Variants in DNAH14 observed in about 807,000 individuals in gnomAD.
DNAH14 encodes axonemal beta dynein heavy chain 14.
A neutral mutation model predicts 520.9 loss-of-function variants in DNAH14; 478 were observed. The observed-to-expected ratio is 0.92, with a 90% confidence interval of 0.85 to 0.99. The LOEUF is 0.99. Among genes scored for constraint, DNAH14 ranks in the 50% least tolerant of loss-of-function variants. The pLI is 0.00. For missense variants in DNAH14, 4,831 were observed against 5,234.5 expected, an observed-to-expected ratio of 0.92 and a Z score of 2.38; for synonymous variants, 1,581 against 1,757.2, an observed-to-expected ratio of 0.90 and a Z score of 2.51.
In DNAH14 at chr1:225,266,702, C is replaced by A. The variant is rs2093131692; in HGVS notation, c.7472C>A (p.Pro2491His). Residue 2491 changes from proline to histidine, a missense_variant, in exon 49 of 86, where the codon CCC becomes CAC. Pro to His is a moderately conservative substitution (Grantham distance 77). Coordinates refer to ENST00000682510, the MANE Select transcript of DNAH14 (RefSeq NM_001367479.1). ...PVSDMYGAQP[P>H]LELIRQLLDL... The stretch of plus-strand genomic sequence containing the variant: ...TCAGATATGTATGGAGCACAGCCAC[C>A]CCTGGAATTGATAAGACAATTGTTA... The A allele has an allele frequency of 1.3e-6, 2 of 1,517,796 alleles. No homozygotes were observed. Among genetic ancestry groups the A allele is most frequent in the South Asian group, 1.3e-5 (1 of 77,134 alleles). 94.0% of individuals were successfully genotyped at this position (1,517,796 alleles called of 1,614,324 possible). A position where few individuals can be genotyped will look rare whatever the true frequency, so the allele number is the denominator to read the frequency against.
chr1:225,348,707 A>G (rs1285959213), intron 71 of DNAH14, among the ~76,000 whole-genome samples: 3 of 152,224 alleles, frequency 2.0e-5, no homozygotes, highest in Non-Finnish European at 4.4e-5. Flanking sequence ...GAACTGCTCT[A>G]CAAGGAATGC....
intron 41 of DNAH14, among the ~76,000 whole-genome samples, chr1:225,229,035 C>T (rs773010422): frequency 2.2e-4 from 33 of 152,232 alleles, no homozygotes; most frequent in Non-Finnish European, 4.1e-4. Context: ...CTCTACTCAG[C>T]GGGGTTGACA....
chr1:225,088,114 T>C (rs1472653860), intron 21 of DNAH14, among the ~76,000 whole-genome samples: 7 of 151,988 alleles, frequency 4.6e-5, no homozygotes, highest in Non-Finnish European at 1.0e-4. Context: ...TATAATAATA[T>C]CCAGTACACA....
chr1:225,207,811 C>T (rs1369265509), intron 41 of DNAH14, among the ~76,000 whole-genome samples: 5 of 152,020 alleles, frequency 3.3e-5, no homozygotes, highest in South Asian at 2.1e-4. Context: ...CCTGAGGTGA[C>T]GTAAGATGGT....
intron 1 of DNAH14, among the ~76,000 whole-genome samples, chr1:224,941,204 T>G (rs1000829776): frequency 6.6e-6 from 1 of 152,070 alleles, no homozygotes. Flanking sequence ...TTTTAATGAT[T>G]GCCATTCTAA....
At chr1:225,012,922 GGAGGAGTTTGTTATT>G (rs1430502687) in intron 10 of DNAH14, among the ~76,000 whole-genome samples, 2 of 152,098 alleles carry the variant, frequency 1.3e-5, no homozygotes, top group African/African-American at 4.8e-5. Flanking sequence ...GCTTTAGCTT[GGAGGAGTTTGTTATT>G]ACCCACCTTC....
At position 225,037,787 on chromosome 1, in the gene DNAH14, A is replaced by G. The variant is rs559420971; in HGVS notation, c.1359-907A>G. Among the ~76,000 whole-genome samples the G allele has an allele frequency of 3.3e-5, 5 of 152,210 alleles. No homozygotes were observed. The South Asian group carries it at 1.0e-3, about 32-fold the overall frequency. On this transcript the variant is annotated intron_variant, in intron 11 of 85. Coordinates refer to ENST00000682510, the MANE Select transcript of DNAH14 (RefSeq NM_001367479.1). Reference sequence around the variant, plus strand: ...AATCTCCGCCTCCTGGGTTCAAGCAATTCTCCTGCCTCAGCCTCCCGAGTA... The same window carrying G: ...AATCTCCGCCTCCTGGGTTCAAGCAGTTCTCCTGCCTCAGCCTCCCGAGTA...
At chr1:225,033,512 G>A (rs1022365761) in intron 11 of DNAH14, among the ~76,000 whole-genome samples, 3 of 151,996 alleles carry the variant, frequency 2.0e-5, no homozygotes, top group Non-Finnish European at 4.4e-5. Context: ...TGGGTGATGC[G>A]GTTCTTCCAG....
intron 26 of DNAH14, among the ~76,000 whole-genome samples, chr1:225,121,185 C>T (rs2077260049): frequency 6.6e-6 from 1 of 152,118 alleles, no homozygotes; most frequent in Admixed American, 6.5e-5. Flanking sequence ...TGTTTTGATA[C>T]ATGTACACAA....
chr1:225,188,232 C>T (rs904159369), intron 37 of DNAH14, among the ~76,000 whole-genome samples: 1 of 151,854 alleles, frequency 6.6e-6, no homozygotes, highest in Non-Finnish European at 1.5e-5. Flanking sequence ...TGGAAAATTT[C>T]AGAAGCAAAC....
chr1:225,216,238 G>A (rs1249740926), intron 41 of DNAH14, among the ~76,000 whole-genome samples: 1 of 152,160 alleles, frequency 6.6e-6, no homozygotes, highest in Non-Finnish European at 1.5e-5. Flanking sequence ...CTCTCTTCTG[G>A]CTTGTAGAGT....
At chr1:225,313,030 T>C (rs147994090) in intron 60 of DNAH14, among the ~76,000 whole-genome samples, 216 of 152,322 alleles carry the variant, frequency 1.4e-3, no homozygotes, top group Middle Eastern at 3.4e-3. Flanking sequence ...CCAGCTCCTG[T>C]TTGTACCTCT....
intron 54 of DNAH14, among the ~76,000 whole-genome samples, chr1:225,282,896 TTATTGA>T (rs781225026): frequency 3.6e-4 from 55 of 152,356 alleles, no homozygotes; most frequent in Middle Eastern, 3.4e-3. Flanking sequence ...TATCTTTTTC[TTATTGA>T]TTGGTAGGAG....
At chr1:225,239,337 T>C (rs1010514506) in intron 42 of DNAH14, among the ~76,000 whole-genome samples, 1 of 152,150 alleles carries the variant, frequency 6.6e-6, no homozygotes, top group Non-Finnish European at 1.5e-5. Flanking sequence ...GGGGATCTCC[T>C]GATCTGTGGG....
intron 81 of DNAH14, among the ~76,000 whole-genome samples, chr1:225,385,505 T>A (rs1478963067): frequency 6.6e-6 from 1 of 152,214 alleles, no homozygotes; most frequent in African/African-American, 2.4e-5. Flanking sequence ...AAAATCTCCT[T>A]AAGCTGATAA....
intron 47 of DNAH14, among the ~76,000 whole-genome samples, chr1:225,264,931 A>T (rs980052139): frequency 1.3e-5 from 2 of 152,180 alleles, no homozygotes; most frequent in Admixed American, 1.3e-4. Context: ...TTAAAAAGTT[A>T]TATGTGTCTG....
At chr1:225,155,393 ATTAT>A (rs769592559) in intron 34 of DNAH14, among the ~76,000 whole-genome samples, 2 of 152,158 alleles carry the variant, frequency 1.3e-5, no homozygotes, top group African/African-American at 2.4e-5. Context: ...TAAAGCTATA[ATTAT>A]TTATTTCTTA....
At position 225,140,909 on chromosome 1, in the gene DNAH14, C is replaced by T. The variant is rs1374201736; in HGVS notation, c.4396C>T (p.Arg1466Ter). 6.4e-6 allele frequency: 10 copies of T among 1,551,254 alleles called. No individual in the cohort carries two copies. The highest frequency in any genetic ancestry group is 3.9e-5 in the Admixed American group (2 of 50,978). Residue 1466 changes from arginine to a stop codon, truncating the protein, a stop_gained, in exon 28 of 86, where the codon CGA (arginine) becomes TGA (stop). Coordinates refer to ENST00000682510, the MANE Select transcript of DNAH14 (RefSeq NM_001367479.1). LOFTEE classifies it high-confidence loss of function. ...GGTAGTGCTGGATACTAGTAACTCT[C>T]GAACAAAAGCTATACTAGGGGCATT... ...DLVVLDTSNS[R>*]TKAILGALLI...
rs143412691 is a variant in DNAH14 at position 225,061,368 on chromosome 1, C to T, written c.2424+9573C>T. Among the ~76,000 whole-genome samples the T allele has an allele frequency of 1.5e-3, 226 of 152,304 alleles. 1 individual carries two copies. The highest frequency in any genetic ancestry group is 5.1e-3 in the African/African-American group (213 of 41,546). Reference sequence around the variant, plus strand: ...ATTTGCTAAGTCCATTGGAAAAGCACAGTATTAGGGTGGGAGTGACCCGAT... The same window carrying T: ...ATTTGCTAAGTCCATTGGAAAAGCATAGTATTAGGGTGGGAGTGACCCGAT... On this transcript the variant is annotated intron_variant, in intron 17 of 85. Transcript: ENST00000682510.
Sources: gnomAD v4.1 joint callset for allele counts (sites outside exome capture counted in the v4.1 genomes callset) on GRCh38, gnomAD v4.1.1 for gene constraint, MANE v1.5 for transcripts, NCBI Gene and HGNC (gene_info 2026-07-23, HGNC 2026-07-21) for gene names.